PCSK2: variants seen among roughly 807,000 people sequenced by gnomAD.
PCSK2 encodes the protein proprotein convertase subtilisin/kexin type 2.
PCSK2 carries 14 observed loss-of-function variants against 69.7 expected under a neutral mutation model. The observed-to-expected ratio is 0.20, with a 90% CI of 0.13 to 0.31. The LOEUF is 0.31. Among genes scored for constraint, PCSK2 ranks in the 10% least tolerant of loss-of-function variants. The probability of loss-of-function intolerance (pLI) is 1.00; values close to 1 mark genes in which losing one functional copy is unlikely to be tolerated. For synonymous variants in PCSK2, 307 were observed against 320.7 expected (o/e 0.96, Z 0.46); for missense variants, 544 against 842.5 (o/e 0.65, Z 4.39).
In PCSK2 at chr20:17,261,900, G is replaced by A. The variant is rs112032917; in HGVS notation, c.282+1556G>A. ...CTACTCTTCTTCCACGATTAAAGGC[G>A]TTGCTCCAAGATTATTCAGAAACAT... On this transcript the variant is annotated intron_variant, in intron 2 of 11. Transcript: ENST00000262545. 8.7e-3 allele frequency among the ~76,000 whole-genome samples: 1,329 copies of A among 152,272 alleles called. 14 individuals are homozygous for A. Among genetic ancestry groups the A allele is most frequent in the African/African-American group, 0.029 (1,217 of 41,532 alleles).
intron 1 of PCSK2, among the ~76,000 whole-genome samples, chr20:17,249,042 G>C (rs1986873705): frequency 6.6e-6 from 1 of 152,136 alleles, no homozygotes; most frequent in Non-Finnish European, 1.5e-5. Flanking sequence ...GTAGCCTAAG[G>C]TAACACAACC....
chr20:17,413,153 A>G (rs994312970), intron 6 of PCSK2, among the ~76,000 whole-genome samples: 1 of 152,222 alleles, frequency 6.6e-6, no homozygotes, highest in Non-Finnish European at 1.5e-5. Context: ...CTAACATCAT[A>G]ATGACAGAAT....
At chr20:17,381,264 A>G (rs980601799) in intron 5 of PCSK2, among the ~76,000 whole-genome samples, 1 of 152,240 alleles carries the variant, frequency 6.6e-6, no homozygotes. Flanking sequence ...GGCTCTTAGC[A>G]ATGTTCCTTA....
intron 1 of PCSK2, among the ~76,000 whole-genome samples, chr20:17,229,680 C>T (rs1211367938): frequency 2.6e-5 from 4 of 151,978 alleles, no homozygotes; most frequent in South Asian, 4.2e-4. Flanking sequence ...TACCCCACAA[C>T]CAAATCCAGT....
chr20:17,379,388 T>C (rs2031025212), intron 5 of PCSK2, among the ~76,000 whole-genome samples: 1 of 152,216 alleles, frequency 6.6e-6, no homozygotes, highest in African/African-American at 2.4e-5. Flanking sequence ...CAATTACAGT[T>C]TTCTGAAGCA....
intron 1 of PCSK2, among the ~76,000 whole-genome samples, chr20:17,237,471 G>A (rs1480223409): frequency 6.6e-6 from 1 of 152,142 alleles, no homozygotes; most frequent in Non-Finnish European, 1.5e-5. Context: ...AACCAGGAGA[G>A]GAGTCAGAAC....
intron 4 of PCSK2, among the ~76,000 whole-genome samples, chr20:17,361,621 G>A (rs775268444): frequency 6.6e-6 from 1 of 152,204 alleles, no homozygotes; most frequent in Non-Finnish European, 1.5e-5. Context: ...AGAACACTAT[G>A]TTCCTTAAAG....
intron 5 of PCSK2, among the ~76,000 whole-genome samples, chr20:17,389,939 G>T (rs1390584029): frequency 2.0e-5 from 3 of 152,130 alleles, no homozygotes; most frequent in East Asian, 3.8e-4. Flanking sequence ...AAACAAAAAG[G>T]TATGTTTATA....
intron 11 of PCSK2, among the ~76,000 whole-genome samples, chr20:17,480,005 C>T (rs1161768478): frequency 6.6e-6 from 1 of 151,746 alleles, no homozygotes; most frequent in East Asian, 1.9e-4. Context: ...ACTGCAAGAA[C>T]CTTTGAGCTT....
intron 8 of PCSK2, among the ~76,000 whole-genome samples, chr20:17,446,526 T>C (rs1029879243): frequency 2.0e-5 from 3 of 152,196 alleles, no homozygotes; most frequent in Admixed American, 1.3e-4. Flanking sequence ...GCTCAGACCG[T>C]GGACAGTTTG....
At chr20:17,461,969 T>G (rs952680036) in intron 10 of PCSK2, among the ~76,000 whole-genome samples, 1 of 152,176 alleles carries the variant, frequency 6.6e-6, no homozygotes, top group African/African-American at 2.4e-5. Context: ...AAAAAGTCAG[T>G]CTGCTGGTCA....
intron 11 of PCSK2, among the ~76,000 whole-genome samples, chr20:17,472,461 G>A (rs1032135841): frequency 4.6e-5 from 7 of 152,316 alleles, no homozygotes; most frequent in Middle Eastern, 3.4e-3. Flanking sequence ...CACCTGCTGC[G>A]TGTCGTCATG....
chr20:17,455,782 T>C (rs538244794), intron 9 of PCSK2, among the ~76,000 whole-genome samples: 7 of 152,354 alleles, frequency 4.6e-5, no homozygotes, highest in Admixed American at 2.0e-4. Flanking sequence ...ATATGCTTCT[T>C]TGAACAACTC....
chr20:17,379,512 T>A (rs1469715425), intron 5 of PCSK2, among the ~76,000 whole-genome samples: 1 of 152,268 alleles, frequency 6.6e-6, no homozygotes, highest in Non-Finnish European at 1.5e-5. Flanking sequence ...TGTCAAAGAA[T>A]CATGAGTACT....
chr20:17,403,042 T>C (rs1365367488), intron 5 of PCSK2, among the ~76,000 whole-genome samples: 1 of 152,174 alleles, frequency 6.6e-6, no homozygotes, highest in East Asian at 1.9e-4. Flanking sequence ...ACCGTTCAGT[T>C]GTATCACTCC....
chr20:17,261,803 T>C (rs1292101555), intron 2 of PCSK2, among the ~76,000 whole-genome samples: 1 of 152,252 alleles, frequency 6.6e-6, no homozygotes, highest in Non-Finnish European at 1.5e-5. Context: ...ACTTCAACCC[T>C]ATGCCATAAC....
intron 1 of PCSK2, chr20:17,228,140 C>A (rs1986002565): frequency 6.6e-6 from 1 of 152,264 alleles, no homozygotes; most frequent in South Asian, 2.1e-4. Context: ...TAGTTCTCAA[C>A]TCCCGGCTAC....
At chr20:17,433,894 C>T (rs1267734842) in intron 7 of PCSK2, among the ~76,000 whole-genome samples, 2 of 103,318 alleles carry the variant, frequency 1.9e-5, no homozygotes, top group South Asian at 5.7e-4. Context: ...CCTCCCCCCC[C>T]CTTCCTACTT....
intron 6 of PCSK2, among the ~76,000 whole-genome samples, chr20:17,425,858 C>A (rs7274101): frequency 0.085 from 12,970 of 152,038 alleles, 633 homozygotes; most frequent in Middle Eastern, 0.22. Flanking sequence ...TTTTTATGGG[C>A]CAGGTTAACA....
Sources: gnomAD v4.1 joint callset for allele counts (sites outside exome capture counted in the v4.1 genomes callset) on GRCh38, gnomAD v4.1.1 for gene constraint, MANE v1.5 for transcripts, NCBI Gene and HGNC (gene_info 2026-07-23, HGNC 2026-07-21) for gene names.